SYN2: variants seen among roughly 807,000 people sequenced by gnomAD.
The protein encoded by SYN2 is synapsin II.
SYN2 carries 19 observed loss-of-function variants against 50.9 expected under a neutral mutation model. That is an observed-to-expected ratio of 0.37 (90% confidence interval 0.26 to 0.55). The LOEUF (loss-of-function observed/expected upper bound fraction) is 0.55, where lower values mean the gene tolerates loss of function less well. Among genes scored for constraint, SYN2 ranks in the 20% least tolerant of loss-of-function variants. The pLI, the probability that SYN2 is intolerant of heterozygous loss-of-function variation, is 0.81. For synonymous variants in SYN2, 255 were observed against 224.9 expected (o/e 1.13, Z -1.20); for missense variants, 587 against 576.4 (o/e 1.02, Z -0.19).
chr3:12,112,055 G>T (rs904039872), intron 1 of SYN2, among the ~76,000 whole-genome samples: 17 of 152,172 alleles, frequency 1.1e-4, no homozygotes, highest in African/African-American at 1.2e-4. Flanking sequence ...GGTATGGTTT[G>T]TTTCCCTAGA....
intron 1 of SYN2, among the ~76,000 whole-genome samples, chr3:12,067,727 T>A (rs1238584400): frequency 6.6e-6 from 1 of 152,212 alleles, no homozygotes; most frequent in Non-Finnish European, 1.5e-5. Flanking sequence ...TGTCTTCAGG[T>A]CTTCACTTCT....
At chr3:12,121,788 T>C (rs1696565322) in intron 1 of SYN2, among the ~76,000 whole-genome samples, 1 of 151,960 alleles carries the variant, frequency 6.6e-6, no homozygotes, top group South Asian at 2.1e-4. Flanking sequence ...AGACTTATTT[T>C]TAAGGAATTG....
chr3:12,023,735 A>C (rs1161343179), intron 1 of SYN2, among the ~76,000 whole-genome samples: 1 of 152,192 alleles, frequency 6.6e-6, no homozygotes, highest in Non-Finnish European at 1.5e-5. Flanking sequence ...AAGAAGGTTT[A>C]TCTGAAGACA....
At chr3:12,181,107 G>A (rs752955005) in intron 10 of SYN2, among the ~76,000 whole-genome samples, 6 of 152,238 alleles carry the variant, frequency 3.9e-5, no homozygotes, top group Non-Finnish European at 7.3e-5. Context: ...TTTTACAAAA[G>A]AAAGTTCTAC....
intron 1 of SYN2, among the ~76,000 whole-genome samples, chr3:12,109,646 T>A (rs1452492589): frequency 1.3e-5 from 2 of 152,158 alleles, no homozygotes; most frequent in African/African-American, 4.8e-5. Context: ...ATTTCCTTGA[T>A]TTTTTTCTTG....
intron 5 of SYN2, 116 bp from the exon 6 acceptor site, chr3:12,161,430 A>G (rs1439924100): frequency 2.6e-6 from 3 of 1,137,490 alleles, no homozygotes; most frequent in Non-Finnish European, 3.9e-6. Flanking sequence ...AAGCAAGTAG[A>G]TTGGACTAGT....
At chr3:12,070,150 T>A in intron 1 of SYN2, 1 of 318,730 alleles carries the variant, frequency 3.1e-6, no homozygotes, top group South Asian at 2.8e-5. Context: ...ACGTTGAGTA[T>A]CACACAGTCG....
intron 1 of SYN2, among the ~76,000 whole-genome samples, chr3:12,011,492 A>T (rs1179851161): frequency 1.3e-5 from 2 of 152,232 alleles, no homozygotes; most frequent in African/African-American, 2.4e-5. Flanking sequence ...ATGCTGCATG[A>T]CTAAGAATAG....
At chr3:12,062,982 A>G (rs1199568605) in intron 1 of SYN2, among the ~76,000 whole-genome samples, 1 of 152,068 alleles carries the variant, frequency 6.6e-6, no homozygotes, top group African/African-American at 2.4e-5. Context: ...GCCAATTTCA[A>G]AAGGCTACAG....
chr3:12,184,602 AT>A, intron 11 of SYN2: 3 of 985,896 alleles, frequency 3.0e-6, no homozygotes, highest in Non-Finnish European at 3.6e-6. Flanking sequence ...GGGTCCAAAG[AT>A]TGAGGAGCTT....
chr3:12,006,645 A>G (rs1326960550), intron 1 of SYN2, among the ~76,000 whole-genome samples: 1 of 152,188 alleles, frequency 6.6e-6, no homozygotes, highest in Non-Finnish European at 1.5e-5. Context: ...CACTGCTTTC[A>G]TTCCACTGTG....
chr3:12,118,751 T>A (rs1696487907), intron 1 of SYN2, among the ~76,000 whole-genome samples: 1 of 152,140 alleles, frequency 6.6e-6, no homozygotes, highest in East Asian at 1.9e-4. Context: ...TGGCAAAAGT[T>A]TAACACAGTA....
At chr3:12,180,346 A>G (rs891124808) in intron 10 of SYN2, among the ~76,000 whole-genome samples, 2 of 152,136 alleles carry the variant, frequency 1.3e-5, no homozygotes, top group African/African-American at 4.8e-5. Context: ...ACCTGTTTGA[A>G]TCAATCCAAC....
intron 1 of SYN2, among the ~76,000 whole-genome samples, chr3:12,110,668 AG>A (rs1696291355): frequency 6.6e-6 from 1 of 152,218 alleles, no homozygotes; most frequent in African/African-American, 2.4e-5. Flanking sequence ...TGTACAGCAC[AG>A]GGACTCTGGC....
chr3:12,163,022 C>T (rs187439060), intron 7 of SYN2, among the ~76,000 whole-genome samples: 17 of 152,114 alleles, frequency 1.1e-4, no homozygotes, highest in East Asian at 3.9e-4. Flanking sequence ...GGGCGGATCA[C>T]GAGGTCAGGA....
intron 1 of SYN2, among the ~76,000 whole-genome samples, chr3:12,134,723 A>G (rs982658206): frequency 6.6e-6 from 1 of 152,198 alleles, no homozygotes; most frequent in Non-Finnish European, 1.5e-5. Context: ...TCCACTGTAC[A>G]TCCTCCTGGA....
chr3:12,158,722 T>A (rs1697540108), intron 5 of SYN2: 1 of 1,610,226 alleles, frequency 6.2e-7, no homozygotes, highest in Non-Finnish European at 8.5e-7. Context: ...GTGGCAGATG[T>A]GCTGCTGAGG....
intron 1 of SYN2, among the ~76,000 whole-genome samples, chr3:12,104,554 A>G (rs1014061531): frequency 2.5e-5 from 3 of 120,220 alleles, no homozygotes; most frequent in Non-Finnish European, 5.2e-5. Flanking sequence ...CATGTGAAAC[A>G]TTTTTCTTTT....
At chr3:12,155,168 A>G (rs1468319612) in intron 5 of SYN2, among the ~76,000 whole-genome samples, 3 of 152,144 alleles carry the variant, frequency 2.0e-5, no homozygotes, top group Non-Finnish European at 4.4e-5. Flanking sequence ...CAGTCGCTCA[A>G]TCATTTACTC....
Sources: allele counts gnomAD v4.1 joint callset (sites outside exome capture counted in the v4.1 genomes callset), GRCh38; gene constraint gnomAD v4.1.1; transcripts MANE v1.5; gene names NCBI Gene and HGNC (gene_info 2026-07-23, HGNC 2026-07-21).